ADK: variants seen among roughly 807,000 people sequenced by gnomAD.
ADK encodes the protein adenosine kinase.
Under a neutral mutation model 44.7 loss-of-function variants are expected in ADK, and 24 were observed. The observed-to-expected ratio is 0.54, with a 90% CI of 0.39 to 0.76. The LOEUF (loss-of-function observed/expected upper bound fraction) is 0.76, where lower values mean the gene tolerates loss of function less well. Among genes scored for constraint, ADK ranks in the 30% least tolerant of loss-of-function variants. ADK has a pLI of 0.00. For missense variants in ADK, 321 were observed against 425.1 expected, an observed-to-expected ratio of 0.76 and a Z score of 2.15; for synonymous variants, 128 against 142.6, an observed-to-expected ratio of 0.90 and a Z score of 0.73.
intron 6 of ADK, among the ~76,000 whole-genome samples, chr10:74,454,176 T>C (rs1845864071): frequency 6.6e-6 from 1 of 152,144 alleles, no homozygotes; most frequent in Non-Finnish European, 1.5e-5. Flanking sequence ...CTTTCCCCAT[T>C]TAAAAAATTG....
At chr10:74,659,912 A>T (rs948549838) in intron 9 of ADK, among the ~76,000 whole-genome samples, 2 of 152,244 alleles carry the variant, frequency 1.3e-5, no homozygotes, top group Admixed American at 1.3e-4. Flanking sequence ...ACCCTCACAG[A>T]CACACCCAGG....
rs35167424 is a variant in ADK at position 74,330,005 on chromosome 10, TAA to T, written c.273+15272_273+15273del. ...GACAAAACCCTGTCTCTACAAATAATAAAAAAAAAAAAATTAGCCAGGCACGG... is the reference window on the plus strand; with the variant it reads ...GACAAAACCCTGTCTCTACAAATAATAAAAAAAAAAATTAGCCAGGCACGG... On this transcript the variant is annotated intron_variant, in intron 4 of 10. Coordinates refer to ENST00000539909, the MANE Select transcript of ADK (RefSeq NM_006721.4). Among the ~76,000 whole-genome samples the T allele has an allele frequency of 1.1e-3, 158 of 147,156 alleles. 2 individuals carry two copies. Among genetic ancestry groups the T allele is most frequent in the East Asian group, 1.0e-3 (5 of 4,984 alleles).
At chr10:74,581,726 G>C (rs903696679) in intron 7 of ADK, among the ~76,000 whole-genome samples, 1 of 152,002 alleles carries the variant, frequency 6.6e-6, no homozygotes, top group Non-Finnish European at 1.5e-5. Context: ...GAGAAACAAA[G>C]ATAAGAATAG....
chr10:74,451,886 A>G (rs993270642), intron 6 of ADK, among the ~76,000 whole-genome samples: 11 of 152,204 alleles, frequency 7.2e-5, no homozygotes, highest in East Asian at 3.9e-4. Context: ...TGATTACATT[A>G]ATAATTATTT....
At chr10:74,224,658 A>T in intron 3 of ADK, 67 bp downstream of exon 3, 1 of 1,282,928 alleles carries the variant, frequency 7.8e-7, no homozygotes, top group Non-Finnish European at 1.1e-6. Flanking sequence ...ATGTATATGT[A>T]AATTATCTGA....
At chr10:74,235,307 C>T (rs1226592491) in intron 3 of ADK, among the ~76,000 whole-genome samples, 2 of 151,930 alleles carry the variant, frequency 1.3e-5, no homozygotes, top group Non-Finnish European at 2.9e-5. Context: ...GGAAAACATT[C>T]TTGACATTTA....
intron 6 of ADK, among the ~76,000 whole-genome samples, chr10:74,437,076 AAAATT>A (rs1331444035): frequency 6.6e-6 from 1 of 152,176 alleles, no homozygotes; most frequent in Non-Finnish European, 1.5e-5. Context: ...CTTTTTAAAT[AAAATT>A]AACAAAATAA....
intron 2 of ADK, among the ~76,000 whole-genome samples, chr10:74,213,486 G>C (rs894717496): frequency 1.3e-5 from 2 of 151,912 alleles, no homozygotes; most frequent in African/African-American, 4.8e-5. Context: ...TTATTATTAT[G>C]TGGCTGGTAT....
intron 9 of ADK, among the ~76,000 whole-genome samples, chr10:74,613,898 A>G (rs896527235): frequency 2.0e-5 from 3 of 152,122 alleles, no homozygotes; most frequent in Admixed American, 6.6e-5. Flanking sequence ...TAGATTGGTG[A>G]TGGTAAAGAT....
At chr10:74,167,191 G>A (rs1842058298) in intron 1 of ADK, among the ~76,000 whole-genome samples, 1 of 152,042 alleles carries the variant, frequency 6.6e-6, no homozygotes, top group African/African-American at 2.4e-5. Context: ...AAATATAATA[G>A]AGATGAGGTC....
chr10:74,406,521 AATAATAAG>A (rs1843935251), intron 6 of ADK, among the ~76,000 whole-genome samples: 1 of 52,676 alleles, frequency 1.9e-5, no homozygotes, highest in African/African-American at 7.0e-5. Context: ...TAATAATAAT[AATAATAAG>A]AAGAAGAAGA....
At position 74,702,563 on chromosome 10, in the gene ADK, C is replaced by CCTTCCTT. The variant is rs1554900305; in HGVS notation, c.965-5756_965-5750dup. ...TCCTTCCTTCCTTCCTTCCTTCCTT[C>CCTTCCTT]CTTCCTTCCTCTCTCTCTCTCTGGT... On this transcript the variant is annotated intron_variant, in intron 10 of 10. Transcript: ENST00000539909. Among the ~76,000 whole-genome samples the CCTTCCTT allele has an allele frequency of 5.3e-5, 8 of 149,686 alleles. No individual in the cohort carries two copies. The South Asian group carries it at 1.5e-3, about 28-fold the overall frequency.
chr10:74,571,678 T>C (rs547334288), intron 7 of ADK, among the ~76,000 whole-genome samples: 1 of 152,294 alleles, frequency 6.6e-6, no homozygotes, highest in African/African-American at 2.4e-5. Context: ...TCTCTCTTTT[T>C]TTCTTTATTA....
At chr10:74,442,722 G>C (rs1845464430) in intron 6 of ADK, among the ~76,000 whole-genome samples, 1 of 152,112 alleles carries the variant, frequency 6.6e-6, no homozygotes, top group African/African-American at 2.4e-5. Context: ...CCCGTGTTCA[G>C]CTGCATTATT....
intron 7 of ADK, among the ~76,000 whole-genome samples, chr10:74,564,839 A>G (rs548975628): frequency 6.6e-6 from 1 of 152,278 alleles, no homozygotes; most frequent in South Asian, 2.1e-4. Flanking sequence ...AAACATTCAG[A>G]GAATTAATCG....
intron 6 of ADK, among the ~76,000 whole-genome samples, chr10:74,407,429 T>C (rs1843986958): frequency 6.6e-6 from 1 of 152,244 alleles, no homozygotes; most frequent in African/African-American, 2.4e-5. Flanking sequence ...GCTTATGTTG[T>C]CATGTGCTTT....
chr10:74,221,557 C>T (rs986424400), intron 2 of ADK, among the ~76,000 whole-genome samples: 15 of 150,744 alleles, frequency 1.0e-4, no homozygotes, highest in African/African-American at 2.9e-4. Context: ...GAGCTCACAT[C>T]GCCAAGTCAA....
intron 9 of ADK, among the ~76,000 whole-genome samples, chr10:74,653,345 G>A (rs11001096): frequency 0.19 from 28,347 of 151,940 alleles, 2,985 homozygotes; most frequent in African/African-American, 0.27. Flanking sequence ...CCAGCTACAC[G>A]GGAGGGTAAG....
chr10:74,186,917 A>G (rs1842787208), intron 1 of ADK, among the ~76,000 whole-genome samples: 1 of 152,198 alleles, frequency 6.6e-6, no homozygotes, highest in South Asian at 2.1e-4. Flanking sequence ...GTTGCTATGA[A>G]CATTTTTGTA....
Sources: allele counts gnomAD v4.1 joint callset (sites outside exome capture counted in the v4.1 genomes callset), GRCh38; gene constraint gnomAD v4.1.1; transcripts MANE v1.5; gene names NCBI Gene and HGNC (gene_info 2026-07-23, HGNC 2026-07-21).